FRMD4A: variants seen among roughly 807,000 people sequenced by gnomAD.
FRMD4A encodes the protein FERM domain-containing protein 4A.
In FRMD4A, 29 loss-of-function variants were observed where a neutral mutation model predicts 129.1. The ratio of observed to expected loss-of-function variants is 0.22; its 90% CI spans 0.17 to 0.31. The LOEUF is 0.31. Ranked by LOEUF, FRMD4A falls within the 10% of genes least tolerant of loss-of-function variation. The pLI, the probability that FRMD4A is intolerant of heterozygous loss-of-function variation, is 1.00. For synonymous variants in FRMD4A, 634 were observed against 571.6 expected (o/e 1.11, Z -1.56); for missense variants, 1,272 against 1,375.8 (o/e 0.92, Z 1.19).
In FRMD4A at chr10:13,646,515, A is replaced by T. The variant is rs950476969; in HGVS notation, c.*523T>A. 6.6e-6 allele frequency: 1 copy of T among 152,286 alleles called. No homozygotes were observed. The highest frequency in any genetic ancestry group is 1.9e-4 in the East Asian group (1 of 5,188). 9.4% of individuals were successfully genotyped at this position (152,286 alleles called of 1,614,324 possible). ...TCTTCATGAAGTGCTTGGTTGGCCTACGTATGGGTGGCAGGCTGGACACAG... is the reference window on the plus strand; with the variant it reads ...TCTTCATGAAGTGCTTGGTTGGCCTTCGTATGGGTGGCAGGCTGGACACAG... On this transcript the variant is annotated 3_prime_UTR_variant, in exon 25 of 25. Coordinates refer to ENST00000357447, the MANE Select transcript of FRMD4A (RefSeq NM_018027.5).
At chr10:14,273,380 G>A (rs187130179) in intron 2 of FRMD4A, among the ~76,000 whole-genome samples, 175 of 152,196 alleles carry the variant, frequency 1.1e-3, no homozygotes, top group African/African-American at 3.5e-3. Flanking sequence ...CCTTTATTCC[G>A]TTGATCTATG....
At chr10:14,115,787 C>A (rs972856992) in intron 2 of FRMD4A, among the ~76,000 whole-genome samples, 1 of 152,246 alleles carries the variant, frequency 6.6e-6, no homozygotes, top group Non-Finnish European at 1.5e-5. Flanking sequence ...GCACCAGAAG[C>A]AGATGCCAGT....
At chr10:13,947,774 A>T (rs1197595605) in intron 2 of FRMD4A, among the ~76,000 whole-genome samples, 7 of 152,120 alleles carry the variant, frequency 4.6e-5, no homozygotes. Context: ...TCTGTTTGAA[A>T]CTTTCCCAAA....
At chr10:14,053,449 C>T (rs1236408811) in intron 2 of FRMD4A, among the ~76,000 whole-genome samples, 1 of 152,148 alleles carries the variant, frequency 6.6e-6, no homozygotes, top group Non-Finnish European at 1.5e-5. Flanking sequence ...TCAGCACAGC[C>T]CAGCCCTGCT....
At chr10:13,679,426 C>CA (rs1184269199) in intron 15 of FRMD4A, among the ~76,000 whole-genome samples, 1 of 8,602 alleles carries the variant, frequency 1.2e-4, no homozygotes, top group Non-Finnish European at 2.0e-4. Context: ...GACTCTGTCT[C>CA]AAAAAAAAAA....
At chr10:13,785,662 T>G (rs931984583) in intron 5 of FRMD4A, among the ~76,000 whole-genome samples, 1 of 152,238 alleles carries the variant, frequency 6.6e-6, no homozygotes, top group Non-Finnish European at 1.5e-5. Context: ...AGGGTACACA[T>G]GCACAACGTG....
chr10:13,783,685 G>C (rs1049432796), intron 5 of FRMD4A, among the ~76,000 whole-genome samples: 4 of 152,098 alleles, frequency 2.6e-5, no homozygotes, highest in African/African-American at 9.7e-5. Flanking sequence ...ATTTTTAAAA[G>C]ATAATTTCTT....
intron 2 of FRMD4A, among the ~76,000 whole-genome samples, chr10:14,023,782 TC>T (rs1205217907): frequency 8.5e-5 from 13 of 152,328 alleles, no homozygotes; most frequent in Non-Finnish European, 1.9e-4. Context: ...TGTCAGCTGC[TC>T]TTTTCTTTAG....
rs542813389 is a variant in FRMD4A at position 13,818,887 on chromosome 10, A to G, written c.112-7979T>C. Among the ~76,000 whole-genome samples the G allele has an allele frequency of 3.4e-4, 52 of 152,330 alleles. No homozygotes were observed. The South Asian group carries it at 9.9e-3, about 29-fold the overall frequency. ...ACGCCTATAATCCCAGGACTTTGGG[A>G]AGCCGAGGTGGGCAGATCACCTGAG... On this transcript the variant is annotated intron_variant, in intron 3 of 24. Transcript: ENST00000357447.
intron 2 of FRMD4A, among the ~76,000 whole-genome samples, chr10:13,918,043 T>C (rs575301808): frequency 6.6e-6 from 1 of 152,374 alleles, no homozygotes; most frequent in South Asian, 2.1e-4. Context: ...TCAGCTGACC[T>C]GCTGTTGAAA....
intron 2 of FRMD4A, among the ~76,000 whole-genome samples, chr10:14,060,884 T>G (rs1161351717): frequency 6.6e-6 from 1 of 152,180 alleles, no homozygotes; most frequent in African/African-American, 2.4e-5. Flanking sequence ...ATAAAAAAAT[T>G]AAAATTCTGT....
intron 2 of FRMD4A, among the ~76,000 whole-genome samples, chr10:14,100,729 T>C (rs1837260029): frequency 6.6e-6 from 1 of 152,168 alleles, no homozygotes; most frequent in South Asian, 2.1e-4. Flanking sequence ...ATATTTCTGA[T>C]TGATAGGATT....
chr10:14,117,541 C>T (rs1448798724), intron 2 of FRMD4A, among the ~76,000 whole-genome samples: 1 of 152,148 alleles, frequency 6.6e-6, no homozygotes, highest in Non-Finnish European at 1.5e-5. Context: ...TCATTGAGCT[C>T]AGGGTTCCCA....
At chr10:13,892,091 C>T (rs2094706690) in intron 2 of FRMD4A, among the ~76,000 whole-genome samples, 1 of 151,716 alleles carries the variant, frequency 6.6e-6, no homozygotes, top group African/African-American at 2.4e-5. Context: ...CCCAGCCCCT[C>T]TCCGTGGCAC....
intron 3 of FRMD4A, among the ~76,000 whole-genome samples, chr10:13,813,405 C>T (rs750904987): frequency 7.9e-5 from 12 of 152,208 alleles, no homozygotes; most frequent in Non-Finnish European, 1.0e-4. Context: ...CACGTCACTG[C>T]ACTCCAGCCT....
chr10:13,893,579 G>A (rs1182783100), intron 2 of FRMD4A, among the ~76,000 whole-genome samples: 1 of 152,020 alleles, frequency 6.6e-6, no homozygotes, highest in South Asian at 2.1e-4. Flanking sequence ...CTATAGTGCA[G>A]TGGCACAATC....
At chr10:14,301,089 A>G (rs896396750) in intron 2 of FRMD4A, among the ~76,000 whole-genome samples, 1 of 152,222 alleles carries the variant, frequency 6.6e-6, no homozygotes, top group Non-Finnish European at 1.5e-5. Context: ...AACTCTAGAT[A>G]GTAAAGATCA....
At chr10:13,765,119 T>C (rs1428309525) in intron 6 of FRMD4A, among the ~76,000 whole-genome samples, 2 of 148,070 alleles carry the variant, frequency 1.4e-5, no homozygotes, top group African/African-American at 5.0e-5. Context: ...TTTTTGTTTT[T>C]TTTTTTTTTT....
chr10:14,302,332 CA>C (rs1846212187), intron 2 of FRMD4A, among the ~76,000 whole-genome samples: 1 of 152,118 alleles, frequency 6.6e-6, no homozygotes, highest in Non-Finnish European at 1.5e-5. Flanking sequence ...CTGGACTCAG[CA>C]AAACAGATAC....
Sources: gnomAD v4.1 joint callset for allele counts (sites outside exome capture counted in the v4.1 genomes callset) on GRCh38, gnomAD v4.1.1 for gene constraint, MANE v1.5 for transcripts, NCBI Gene and HGNC (gene_info 2026-07-23, HGNC 2026-07-21) for gene names.